The following ATG7 variants were observed in gnomAD, a reference collection of about 807,000 sequenced individuals.
The protein encoded by ATG7 is autophagy related 7, also known as ubiquitin-like modifier-activating enzyme ATG7.
Under a neutral mutation model 82.4 loss-of-function variants are expected in ATG7, and 70 were observed. The observed-to-expected ratio is 0.85, with a 90% CI of 0.70 to 1.04. The LOEUF is 1.04. Among genes scored for constraint, ATG7 ranks in the 50% least tolerant of loss-of-function variants. The pLI, the probability that ATG7 is intolerant of heterozygous loss-of-function variation, is 0.00. For missense variants in ATG7, 792 were observed against 864.3 expected (o/e 0.92, Z 1.05); for synonymous variants, 287 against 313.0 (o/e 0.92, Z 0.88).
At chr3:11,406,978 A>G (rs1206684727) in intron 19 of ATG7, among the ~76,000 whole-genome samples, 8 of 152,130 alleles carry the variant, frequency 5.3e-5, no homozygotes, top group East Asian at 3.9e-4. Context: ...TTCAAAACCA[A>G]TCATGTCTTC....
At chr3:11,411,577 G>T (rs568775704) in intron 19 of ATG7, among the ~76,000 whole-genome samples, 1 of 125,378 alleles carries the variant, frequency 8.0e-6, no homozygotes, top group Non-Finnish European at 1.6e-5. Context: ...CCGAGATCAC[G>T]CCACTGCACT....
chr3:11,397,030 A>G (rs566664473), intron 19 of ATG7, among the ~76,000 whole-genome samples: 2 of 152,318 alleles, frequency 1.3e-5, no homozygotes, highest in Admixed American at 1.3e-4. Context: ...GAAGAAAAAA[A>G]CAAGTACAAG....
At chr3:11,573,637 C>A in the ATG7 span, among the ~76,000 whole-genome samples, 1 of 152,242 alleles carries the variant, frequency 6.6e-6, no homozygotes, top group Admixed American at 6.5e-5. Flanking sequence ...TTCTGCCATT[C>A]TCCTGGCATG....
At position 11,432,589 on chromosome 3, in the gene ATG7, C is replaced by T. The variant is rs574946009; in HGVS notation, c.2079+5663C>T. Among the ~76,000 whole-genome samples the T allele has an allele frequency of 6.6e-5, 10 of 152,084 alleles. No homozygotes were observed. The East Asian group carries it at 1.7e-3, about 26-fold the overall frequency. On this transcript the variant is annotated intron_variant, in intron 20 of 20. Coordinates refer to ENST00000693202, the MANE Select transcript of ATG7 (RefSeq NM_001349232.2). ...ACAAGTGGACTAAAATCTCAGAAAT[C>T]ACCACTAAAGAACTTATCTACATAA...
At chr3:11,574,769 G>A in the ATG7 span, among the ~76,000 whole-genome samples, 1 of 145,142 alleles carries the variant, frequency 6.9e-6, no homozygotes, top group African/African-American at 2.6e-5. Context: ...TACAATTACT[G>A]TCAATTCAAC....
intron 9 of ATG7, among the ~76,000 whole-genome samples, chr3:11,325,070 C>G (rs752327694): frequency 2.0e-5 from 3 of 152,198 alleles, no homozygotes; most frequent in Non-Finnish European, 4.4e-5. Context: ...TAAGTATGGT[C>G]ACATGCTCTC....
intron 20 of ATG7, among the ~76,000 whole-genome samples, chr3:11,447,789 A>G (rs940766383): frequency 8.5e-5 from 13 of 152,144 alleles, no homozygotes; most frequent in African/African-American, 3.1e-4. Flanking sequence ...GGCAGTAGAA[A>G]GGGAAGGGCT....
At chr3:11,552,143 C>A (rs2071864773) in intron 20 of ATG7, among the ~76,000 whole-genome samples, 1 of 152,194 alleles carries the variant, frequency 6.6e-6, no homozygotes, top group African/African-American at 2.4e-5. Context: ...TTACTAAATA[C>A]TTTTTCATTT....
chr3:11,569,233 C>G, the ATG7 span, among the ~76,000 whole-genome samples: 1 of 152,222 alleles, frequency 6.6e-6, no homozygotes, highest in Non-Finnish European at 1.5e-5. Flanking sequence ...ACGTTCTGAG[C>G]CTGCGCTGGG....
chr3:11,303,812 C>T (rs982176915), intron 5 of ATG7, among the ~76,000 whole-genome samples: 7 of 151,250 alleles, frequency 4.6e-5, no homozygotes, highest in Middle Eastern at 6.9e-3. Context: ...CGGTGGCTCA[C>T]GCCTGTAATC....
chr3:11,373,971 A>G (rs1161575690), intron 18 of ATG7, among the ~76,000 whole-genome samples: 1 of 152,200 alleles, frequency 6.6e-6, no homozygotes, highest in East Asian at 1.9e-4. Context: ...TTGTTTATTC[A>G]TTTCATAATT....
At chr3:11,490,020 C>T (rs1217841784) in intron 20 of ATG7, among the ~76,000 whole-genome samples, 2 of 152,098 alleles carry the variant, frequency 1.3e-5, no homozygotes, top group East Asian at 3.9e-4. Flanking sequence ...GAGTTCAATT[C>T]CTGGGTATCC....
intron 19 of ATG7, among the ~76,000 whole-genome samples, chr3:11,385,278 T>C (rs1042638241): frequency 5.3e-5 from 8 of 152,214 alleles, no homozygotes; most frequent in African/African-American, 1.9e-4. Flanking sequence ...TCTGCCCACC[T>C]CGACCTCCCA....
At chr3:11,467,338 G>A (rs867256899) in intron 20 of ATG7, among the ~76,000 whole-genome samples, 7 of 152,092 alleles carry the variant, frequency 4.6e-5, no homozygotes, top group Admixed American at 3.3e-4. Context: ...TTCCTAATCC[G>A]TAAAATGGAC....
chr3:11,470,565 G>C (rs891358525), intron 20 of ATG7, among the ~76,000 whole-genome samples: 1 of 152,162 alleles, frequency 6.6e-6, no homozygotes, highest in Non-Finnish European at 1.5e-5. Context: ...CTATGTGCAG[G>C]GTGCTCTACA....
Position 11,552,755 on chromosome 3 carries a change from C to G in ATG7, c.2080-2056C>G, listed in dbSNP as rs564505248. 2.6e-5 allele frequency among the ~76,000 whole-genome samples: 4 copies of G among 152,288 alleles called. No homozygotes were observed. In the East Asian group the frequency reaches 7.7e-4, roughly 29 times the overall value. Reference sequence around the variant, plus strand: ...GCACAGCTCAGGCACTGCCAGCAGCCGCATCCCCTCGAGTGGCTCAATCTG... The same window carrying G: ...GCACAGCTCAGGCACTGCCAGCAGCGGCATCCCCTCGAGTGGCTCAATCTG... On this transcript the variant is annotated intron_variant, in intron 20 of 20. Transcript: ENST00000693202.
Position 11,335,299 on chromosome 3 carries a change from A to G in ATG7, c.889+2206A>G, listed in dbSNP as rs185214517. Among the ~76,000 whole-genome samples the G allele has an allele frequency of 1.2e-4, 18 of 152,218 alleles. No individual in the cohort carries two copies. The East Asian group carries it at 2.3e-3, about 20-fold the overall frequency. The stretch of plus-strand genomic sequence containing the variant: ...TTAAAGATAGTCGCAGGGGTGTCCA[A>G]TCTTTTGGCTTCCTTGGGCCACACT... On this transcript the variant is annotated intron_variant, in intron 11 of 20. Coordinates refer to ENST00000693202, the MANE Select transcript of ATG7 (RefSeq NM_001349232.2).
chr3:11,517,792 G>A (rs192118539), intron 20 of ATG7, among the ~76,000 whole-genome samples: 82 of 152,348 alleles, frequency 5.4e-4, no homozygotes, highest in African/African-American at 1.7e-3. Flanking sequence ...GGAGAGAGTC[G>A]GGCAATTGAG....
At chr3:11,417,800 A>ATTTTTTTTTTTTTTTTT (rs1314378737) in intron 19 of ATG7, among the ~76,000 whole-genome samples, 2 of 109,364 alleles carry the variant, frequency 1.8e-5, no homozygotes, top group African/African-American at 3.2e-5. Context: ...TATTATTATT[A>ATTTTTTTTTTTTTTTTT]TTTTATTTTA....
Sources: allele counts gnomAD v4.1 joint callset (sites outside exome capture counted in the v4.1 genomes callset), GRCh38; gene constraint gnomAD v4.1.1; transcripts MANE v1.5; gene names NCBI Gene and HGNC (gene_info 2026-07-23, HGNC 2026-07-21).